The following PSD3 variants were observed in gnomAD, a reference collection of about 807,000 sequenced individuals.
PSD3 encodes the protein PH and SEC7 domain-containing protein 3.
Under a neutral mutation model 105.5 loss-of-function variants are expected in PSD3, and 49 were observed. The observed-to-expected ratio is 0.46, with a 90% confidence interval of 0.37 to 0.59. PSD3 has a LOEUF of 0.59. Among genes scored for constraint, PSD3 ranks in the 20% least tolerant of loss-of-function variants. The pLI is 0.00. For synonymous variants in PSD3, 557 were observed against 457.8 expected (o/e 1.22, Z -2.77); for missense variants, 1,561 against 1,263.8 (o/e 1.24, Z -3.57).
At chr8:18,730,605 T>C (rs1803673978) in intron 9 of PSD3, among the ~76,000 whole-genome samples, 5 of 152,354 alleles carry the variant, frequency 3.3e-5, no homozygotes, top group South Asian at 2.1e-4. Context: ...AAAGTATTTA[T>C]TGATCACTTT....
At chr8:18,943,673 TC>T (rs1243484022) in intron 1 of PSD3, among the ~76,000 whole-genome samples, 12 of 152,188 alleles carry the variant, frequency 7.9e-5, no homozygotes, top group African/African-American at 2.9e-4. Flanking sequence ...GATCCCTGCC[TC>T]CACTACACTG....
At chr8:18,966,293 G>A (rs972322910) in intron 1 of PSD3, among the ~76,000 whole-genome samples, 4 of 152,164 alleles carry the variant, frequency 2.6e-5, no homozygotes, top group Admixed American at 1.3e-4. Context: ...TTTCAGGCCA[G>A]GTGCGGTGGC....
At chr8:18,920,919 G>A (rs1820968967) in intron 2 of PSD3, among the ~76,000 whole-genome samples, 1 of 152,064 alleles carries the variant, frequency 6.6e-6, no homozygotes, top group African/African-American at 2.4e-5. Flanking sequence ...ATTTTCCCTT[G>A]TGACACTATC....
chr8:19,005,743 C>T (rs1383709651), intron 1 of PSD3, among the ~76,000 whole-genome samples: 1 of 151,984 alleles, frequency 6.6e-6, no homozygotes, highest in Non-Finnish European at 1.5e-5. Context: ...CCTACCTTGG[C>T]TTCCCAAAGT....
At chr8:18,776,666 G>A (rs75313540) in intron 8 of PSD3, among the ~76,000 whole-genome samples, 15,374 of 152,140 alleles carry the variant, frequency 0.1, 979 homozygotes, top group South Asian at 0.16. Flanking sequence ...GTGAGTCACC[G>A]CATCTGGCCT....
chr8:18,822,527 GC>G (rs2129449549), intron 4 of PSD3, among the ~76,000 whole-genome samples: 1 of 152,254 alleles, frequency 6.6e-6, no homozygotes, highest in South Asian at 2.1e-4. Flanking sequence ...TCTTAAAATG[GC>G]AAAAGTCTGT....
At chr8:19,082,848 A>G (rs1450443110) in intron 1 of PSD3, among the ~76,000 whole-genome samples, 1 of 152,222 alleles carries the variant, frequency 6.6e-6, no homozygotes, top group Non-Finnish European at 1.5e-5. Context: ...TGCAAGAATT[A>G]GGATGGAATG....
chr8:18,739,744 T>A, intron 9 of PSD3, among the ~76,000 whole-genome samples: 1 of 152,318 alleles, frequency 6.6e-6, no homozygotes, highest in East Asian at 1.9e-4. Flanking sequence ...AAATTCAGTG[T>A]GAAATAATCA....
chr8:19,074,402 A>C (rs1829378778), intron 1 of PSD3, among the ~76,000 whole-genome samples: 1 of 151,974 alleles, frequency 6.6e-6, no homozygotes, highest in African/African-American at 2.4e-5. Flanking sequence ...ACAGACACAC[A>C]ATCTAGGTCC....
At chr8:18,669,059 C>T in intron 9 of PSD3, among the ~76,000 whole-genome samples, 1 of 152,210 alleles carries the variant, frequency 6.6e-6, no homozygotes, top group Non-Finnish European at 1.5e-5. Flanking sequence ...TTTAACACAT[C>T]ACTGACTATT....
intron 12 of PSD3, among the ~76,000 whole-genome samples, chr8:18,599,763 G>A (rs1319992044): frequency 1.3e-5 from 2 of 152,104 alleles, no homozygotes; most frequent in Non-Finnish European, 2.9e-5. Flanking sequence ...GATTCAACAG[G>A]GCTGACTGCA....
intron 8 of PSD3, among the ~76,000 whole-genome samples, chr8:18,797,030 C>A (rs1251498747): frequency 1.3e-5 from 2 of 152,034 alleles, no homozygotes; most frequent in Non-Finnish European, 2.9e-5. Flanking sequence ...GCAAGAGAAG[C>A]TACATCCAGA....
chr8:18,614,568 G>C (rs1222258550), intron 11 of PSD3, among the ~76,000 whole-genome samples: 1 of 152,036 alleles, frequency 6.6e-6, no homozygotes, highest in African/African-American at 2.4e-5. Flanking sequence ...AACAAATAAG[G>C]CTTAATACAT....
At chr8:18,759,064 A>G (rs143584416) in intron 9 of PSD3, among the ~76,000 whole-genome samples, 148 of 151,168 alleles carry the variant, frequency 9.8e-4, no homozygotes, top group African/African-American at 3.6e-3. Context: ...CATCCTTTCA[A>G]TTTAACCCAT....
chr8:18,637,415 A>G (rs938688623), intron 10 of PSD3, among the ~76,000 whole-genome samples: 23 of 152,190 alleles, frequency 1.5e-4, no homozygotes, highest in African/African-American at 4.3e-4. Context: ...TACCCACTAC[A>G]ATGCCAAATG....
At chr8:18,819,735 C>T (rs536997684) in intron 4 of PSD3, among the ~76,000 whole-genome samples, 54 of 152,178 alleles carry the variant, frequency 3.5e-4, no homozygotes, top group African/African-American at 1.3e-3. Flanking sequence ...CCCACCACCA[C>T]GCCCAGCTAA....
chr8:18,961,408 G>C (rs1216943841), intron 1 of PSD3, among the ~76,000 whole-genome samples: 1 of 152,180 alleles, frequency 6.6e-6, no homozygotes, highest in African/African-American at 2.4e-5. Flanking sequence ...ATATATGCAG[G>C]CTGGGCGCGG....
intron 9 of PSD3, among the ~76,000 whole-genome samples, chr8:18,667,223 T>C (rs1056268175): frequency 6.6e-6 from 1 of 152,174 alleles, no homozygotes. Flanking sequence ...TACTCTGTTT[T>C]ACAGAGAACT....
chr8:18,813,476 C>T (rs1811892694), intron 4 of PSD3, among the ~76,000 whole-genome samples: 1 of 152,112 alleles, frequency 6.6e-6, no homozygotes, highest in Non-Finnish European at 1.5e-5. Flanking sequence ...CTAGAGCACT[C>T]AACATGACCA....
Sources: gnomAD v4.1 joint callset for allele counts (sites outside exome capture counted in the v4.1 genomes callset) on GRCh38, gnomAD v4.1.1 for gene constraint, MANE v1.5 for transcripts, NCBI Gene and HGNC (gene_info 2026-07-23, HGNC 2026-07-21) for gene names.